PLCH1: variants seen among roughly 807,000 people sequenced by gnomAD.
PLCH1 encodes the protein 1-phosphatidylinositol 4,5-bisphosphate phosphodiesterase eta-1.
In PLCH1, 60 loss-of-function variants were observed where a neutral mutation model predicts 126.7. That is an observed-to-expected ratio of 0.47 (90% CI 0.38 to 0.59). PLCH1 has a LOEUF of 0.59. Ranked by LOEUF, PLCH1 falls within the 20% of genes least tolerant of loss-of-function variation. The pLI is 0.00. For synonymous variants in PLCH1, 719 were observed against 734.9 expected (o/e 0.98, Z 0.35); for missense variants, 1,723 against 2,040.0 (o/e 0.84, Z 2.99).
chr3:155,708,535 G>A (rs546455605), intron 1 of PLCH1, among the ~76,000 whole-genome samples: 1 of 152,330 alleles, frequency 6.6e-6, no homozygotes, highest in East Asian at 1.9e-4. Flanking sequence ...CAGTTCCAAA[G>A]CAGGTTGAGT....
At chr3:155,554,653 G>A (rs774392342) in intron 8 of PLCH1, among the ~76,000 whole-genome samples, 1 of 152,050 alleles carries the variant, frequency 6.6e-6, no homozygotes, top group Non-Finnish European at 1.5e-5. Context: ...GGCTCACAAT[G>A]TTTTCATTAG....
intron 21 of PLCH1, among the ~76,000 whole-genome samples, chr3:155,465,058 G>T (rs185083134): frequency 6.7e-6 from 1 of 148,734 alleles, no homozygotes. Flanking sequence ...GCAATGAGCC[G>T]AGATCATGCC....
rs148140582 is a variant in PLCH1 at position 155,503,175 on chromosome 3, C to T, written c.1704+1380G>A. ...TCACAAATCAAAACCACACATACGA[C>T]GAAATAGAATATTATCTGTCCCCCA... is the stretch of plus-strand genomic sequence containing the variant. On this transcript the variant is annotated intron_variant, in intron 13 of 22. Transcript: ENST00000460012. Among the ~76,000 whole-genome samples the T allele has an allele frequency of 3.0e-3, 462 of 152,242 alleles. 2 individuals are homozygous for T. Among genetic ancestry groups the T allele is most frequent in the African/African-American group, 9.6e-3 (399 of 41,540 alleles).
chr3:155,722,046 CA>C (rs890226683), intron 1 of PLCH1, among the ~76,000 whole-genome samples: 2 of 151,340 alleles, frequency 1.3e-5, no homozygotes, highest in African/African-American at 4.9e-5. Flanking sequence ...GACTCTGTCT[CA>C]AAAAAAATAA....
chr3:155,573,391 T>C (rs1009149449), intron 6 of PLCH1, among the ~76,000 whole-genome samples: 5 of 152,222 alleles, frequency 3.3e-5, no homozygotes, highest in Non-Finnish European at 2.9e-5. Context: ...AACGACTGTT[T>C]ATTTGATAAC....
At chr3:155,690,906 A>G (rs1745330649) in intron 2 of PLCH1, among the ~76,000 whole-genome samples, 1 of 152,130 alleles carries the variant, frequency 6.6e-6, no homozygotes, top group Non-Finnish European at 1.5e-5. Flanking sequence ...GAGAGTCTGC[A>G]TTTTTAACAA....
intron 2 of PLCH1, among the ~76,000 whole-genome samples, chr3:155,618,595 A>G (rs1305803572): frequency 6.6e-6 from 1 of 152,184 alleles, no homozygotes. Flanking sequence ...TACATTTCAG[A>G]CAACAGGAGA....
chr3:155,497,252 T>C, intron 15 of PLCH1, 68 bp downstream of exon 15: 2 of 1,139,602 alleles, frequency 1.8e-6, no homozygotes, highest in Non-Finnish European at 2.6e-6. Flanking sequence ...CAAAAATTCA[T>C]TAACAATTGA....
rs757334915 is a variant in PLCH1 at position 155,488,744 on chromosome 3, C to T, written c.2455G>A (p.Val819Ile). Residue 819 changes from valine to isoleucine, a missense_variant, in exon 20 of 23, where the codon GTT becomes ATT. Val to Ile is a conservative substitution (Grantham distance 29, BLOSUM62 3). This residue lies in a region of PLCH1 where 776 missense variants were observed against 1,062.9 expected (regional missense o/e 0.73). Transcript: ENST00000460012. ...TCGTGATCCCACACAAGGAACCGAA[C>T]CAAAGCTATTTCTGGCATGTGTACT... ...FTVHMPEIAL[V>I]RFLVWDHDPI... 2.9e-5 allele frequency: 46 copies of T among 1,613,978 alleles called. No homozygotes were observed. The highest frequency in any genetic ancestry group is 3.7e-5 in the Non-Finnish European group (44 of 1,179,890).
In PLCH1 at chr3:155,704,816, G is replaced by A. The variant is rs1746537062; in HGVS notation, c.-40-552C>T. ...GACTGCTAGGGCCTGGATCTGCCCA[G>A]GCTGAACTCATTGATGTAACTAGAG... is the stretch of plus-strand genomic sequence containing the variant. On this transcript the variant is annotated intron_variant, in intron 1 of 22. Coordinates refer to ENST00000460012, the MANE Select transcript of PLCH1 (RefSeq NM_014996.4). Among the ~76,000 whole-genome samples the A allele has an allele frequency of 3.9e-5, 6 of 152,188 alleles. No individual in the cohort carries two copies. The South Asian group carries it at 1.2e-3, about 32-fold the overall frequency.
In PLCH1 at chr3:155,704,903, T is replaced by A. The variant is rs1343373836; in HGVS notation, c.-40-639A>T. 3.9e-5 allele frequency among the ~76,000 whole-genome samples: 6 copies of A among 152,292 alleles called. No individual in the cohort carries two copies. The East Asian group carries it at 1.2e-3, about 29-fold the overall frequency. The stretch of plus-strand genomic sequence containing the variant: ...CTGCTCCTACATAAGACTTGCTCCA[T>A]CACAGACACAGAGAAACACAATGCT... On this transcript the variant is annotated intron_variant, in intron 1 of 22. Coordinates refer to ENST00000460012, the MANE Select transcript of PLCH1 (RefSeq NM_014996.4).
intron 1 of PLCH1, among the ~76,000 whole-genome samples, chr3:155,709,973 G>A (rs1187781754): frequency 6.6e-6 from 1 of 151,994 alleles, no homozygotes; most frequent in Non-Finnish European, 1.5e-5. Flanking sequence ...AGAAGTGTTT[G>A]GTTGGTTGGT....
intron 4 of PLCH1, among the ~76,000 whole-genome samples, chr3:155,589,319 G>T (rs1006086853): frequency 1.3e-5 from 2 of 152,082 alleles, no homozygotes; most frequent in Non-Finnish European, 2.9e-5. Context: ...AATGAACACG[G>T]TTGTGTTCCA....
rs2011748 is a variant in PLCH1 at position 155,486,520 on chromosome 3, T to G, written c.2620-810A>C. Among the ~76,000 whole-genome samples the G allele has an allele frequency of 1.7e-3, 225 of 130,106 alleles. 2 individuals are homozygous for G. Among genetic ancestry groups the G allele is most frequent in the East Asian group, 2.5e-3 (11 of 4,346 alleles). The allele number at this position is 130,106 out of a possible 152,430, so 85.4% of individuals were successfully genotyped here. On this transcript the variant is annotated intron_variant, in intron 21 of 22. Transcript: ENST00000460012. ...TATTTCTGGCTCAAGTTTGTTTTTT[T>G]TTTTTTTTTTTTTTTGAGACGGAGT...
chr3:155,574,707 C>T (rs1729700372), intron 6 of PLCH1, among the ~76,000 whole-genome samples: 1 of 152,164 alleles, frequency 6.6e-6, no homozygotes, highest in Admixed American at 6.5e-5. Context: ...AAAACGAAAC[C>T]ACACATTTCA....
intron 1 of PLCH1, among the ~76,000 whole-genome samples, chr3:155,735,625 C>T (rs1749123303): frequency 7.2e-6 from 1 of 138,756 alleles, no homozygotes; most frequent in African/African-American, 2.8e-5. Flanking sequence ...CAGAGCGAGA[C>T]TCCATCTCAA....
chr3:155,659,483 T>C (rs1334853185), intron 2 of PLCH1, among the ~76,000 whole-genome samples: 1 of 151,270 alleles, frequency 6.6e-6, no homozygotes, highest in East Asian at 1.9e-4. Context: ...TGCCATCAGG[T>C]CTGGCTCATT....
At chr3:155,574,213 C>T (rs1456010094) in intron 6 of PLCH1, among the ~76,000 whole-genome samples, 1 of 151,922 alleles carries the variant, frequency 6.6e-6, no homozygotes, top group Non-Finnish European at 1.5e-5. Context: ...CCATACCCAG[C>T]CCCCCTTACC....
intron 6 of PLCH1, among the ~76,000 whole-genome samples, chr3:155,582,841 G>A (rs1262112494): frequency 6.6e-6 from 1 of 152,082 alleles, no homozygotes; most frequent in Admixed American, 6.6e-5. Context: ...AGCAGACTGA[G>A]AAGTTAGCTT....
Sources: gnomAD v4.1 joint callset for allele counts (sites outside exome capture counted in the v4.1 genomes callset) on GRCh38, gnomAD v4.1.1 for gene constraint, gnomAD v4.1.1 regional missense constraint, MANE v1.5 for transcripts, NCBI Gene and HGNC (gene_info 2026-07-23, HGNC 2026-07-21) for gene names.